Variants in APBB1 observed in about 807,000 individuals in gnomAD.
APBB1 encodes the protein amyloid beta precursor protein binding family B member 1.
APBB1 carries 22 observed loss-of-function variants against 78.4 expected under a neutral mutation model. The ratio of observed to expected loss-of-function variants is 0.28; its 90% CI spans 0.20 to 0.40. The LOEUF (loss-of-function observed/expected upper bound fraction) is 0.40, where lower values mean the gene tolerates loss of function less well. APBB1 is among the 10% of genes least tolerant of loss of function. The pLI, the probability that APBB1 is intolerant of heterozygous loss-of-function variation, is 1.00. For synonymous variants in APBB1, 369 were observed against 372.7 expected, an observed-to-expected ratio of 0.99 and a Z score of 0.12; for missense variants, 749 against 932.4, an observed-to-expected ratio of 0.80 and a Z score of 2.56.
chr11:6,406,531 A>C (rs1163696468), intron 2 of APBB1, among the ~76,000 whole-genome samples: 1 of 152,180 alleles, frequency 6.6e-6, no homozygotes, highest in Non-Finnish European at 1.5e-5. Flanking sequence ...GTAATTTTCC[A>C]ACGGAATCCT....
At chr11:6,419,249 C>T (rs889930689), upstream of APBB1, 11 of 292,160 alleles carry the variant, frequency 3.8e-5, no homozygotes, top group Middle Eastern at 9.5e-4. Context: ...TCGGTGAGCC[C>T]CGCGGTCCAG....
In APBB1 at chr11:6,401,919, G is replaced by C; in HGVS notation, c.1388+58C>G. On this transcript the variant is annotated intron_variant, in intron 9 of 14. Transcript: ENST00000609360. The surrounding 1 kb of genome is among the most constrained non-coding windows in gnomAD (Gnocchi z 4.5). ...GGAAGGGGCAGGGCAGAAGAGGGGA[G>C]CTTGGGTGCTTCCAGGCATCTGGTC... is the stretch of plus-strand genomic sequence containing the variant. 6.4e-7 allele frequency: 1 copy of C among 1,551,042 alleles called. No homozygotes were observed. Among genetic ancestry groups the C allele is most frequent in the Non-Finnish European group, 8.7e-7 (1 of 1,151,418 alleles).
rs766650127 is a variant in APBB1 at position 6,411,095 on chromosome 11, G to A, written c.253C>T (p.Arg85Cys). 1.5e-5 allele frequency: 24 copies of A among 1,612,906 alleles called. No individual in the cohort carries two copies. The highest frequency in any genetic ancestry group is 6.7e-5 in the East Asian group (3 of 44,880). The change falls in exon 2 of 15, where the codon CGT (arginine) becomes TGT (cysteine). Residue 85 changes from arginine to cysteine, a missense_variant. Arg to Cys is a radical substitution (Grantham distance 180). Coordinates refer to ENST00000609360, the MANE Select transcript of APBB1 (RefSeq NM_001164.5). This position sits in a 1 kb window ranked among gnomAD's most constrained non-coding sequence, Gnocchi z 5.2. ...AAGGTCACATTGCGATTCTGGTCACGGTGGGCCGTGGCGGCCCGCCGGAGC... is the reference window on the plus strand; with the variant it reads ...AAGGTCACATTGCGATTCTGGTCACAGTGGGCCGTGGCGGCCCGCCGGAGC... ...NQLRRAATAH[R>C]DQNRNVTLTL...
intron 12 of APBB1, among the ~76,000 whole-genome samples, chr11:6,398,467 C>T (rs1055739996): frequency 1.3e-5 from 2 of 152,128 alleles, no homozygotes; most frequent in Admixed American, 6.5e-5. Context: ...TGTTTAAAAA[C>T]GAGCATAAGA....
chr11:6,403,640 G>C lies in APBB1; in HGVS notation c.897+7C>G, dbSNP rs781006582. 8.8e-5 allele frequency: 142 copies of C among 1,610,590 alleles called. No individual in the cohort carries two copies. The highest frequency in any genetic ancestry group is 1.2e-4 in the Non-Finnish European group (141 of 1,177,798). ...TGGCCCAAAATCAACAGGCCTGTGA[G>C]CCTCACCTGGGACTCCTCTTGGGGG... On this transcript the variant is annotated splice_region_variant and intron_variant, in intron 3 of 14. Coordinates refer to ENST00000609360, the MANE Select transcript of APBB1 (RefSeq NM_001164.5). The surrounding 1 kb of genome is among the most constrained non-coding windows in gnomAD (Gnocchi z 5.3).
rs913507500 is a variant in APBB1 at position 6,402,658 on chromosome 11, C to T, written c.1172G>A (p.Ser391Asn). 1.9e-6 allele frequency: 3 copies of T among 1,614,154 alleles called. No homozygotes were observed. The African/African-American group carries it at 4.0e-5, about 22-fold the overall frequency. Residue 391 changes from serine (S) to asparagine (N), a missense_variant, in exon 7 of 15, where the codon AGT becomes AAT. Transcript: ENST00000609360. ...TEEELAPGRS[S>N]VAVNNCIRQL... Reference sequence around the variant, plus strand: ...ACGGATGCAATTGTTGACTGCCACACTGCTGCGTCCAGGGGCCAGCTCCTC... The same window carrying T: ...ACGGATGCAATTGTTGACTGCCACATTGCTGCGTCCAGGGGCCAGCTCCTC...
At chr11:6,405,082 C>T in intron 2 of APBB1, 1 of 1,376,542 alleles carries the variant, frequency 7.3e-7, no homozygotes, top group South Asian at 1.7e-5. Flanking sequence ...CTTCCTCGCC[C>T]TGGCTCCCCT....
rs1849124723 is a variant in APBB1 at position 6,416,670 on chromosome 11, T to C, written c.-15+2315A>G. Among the ~76,000 whole-genome samples the C allele has an allele frequency of 1.3e-5, 2 of 152,152 alleles. 1 individual carries two copies. The highest frequency in any genetic ancestry group is 1.3e-4 in the Admixed American group (2 of 15,286). On this transcript the variant is annotated intron_variant, in intron 1 of 14. Transcript: ENST00000609360. The stretch of plus-strand genomic sequence containing the variant: ...CTCTAGGTACTGATGATTTCCTCTC[T>C]GAGAAAAATTTCTGGACTTCATCTA...
chr11:6,410,900 C>T lies in APBB1; in HGVS notation c.448G>A (p.Glu150Lys), dbSNP rs780348247. Residue 150 changes from glutamate to lysine, a missense_variant, in exon 2 of 15, where the codon GAG (glutamate) becomes AAG (lysine). Transcript: ENST00000609360. ...TCGGCCTCCCCGGCCGCCTTCTCCT[C>T]TCCCTCATCTGGCCCCTGCTCTTGA... ...STQEQGPDEGEEKAAGEAEEE... is the reference protein window; with the variant it reads ...STQEQGPDEGKEKAAGEAEEE... 4.3e-6 allele frequency: 7 copies of T among 1,614,178 alleles called. No individual in the cohort carries two copies. The highest frequency in any genetic ancestry group is 2.2e-5 in the East Asian group (1 of 44,882).
chr11:6,400,947 G>C, intron 12 of APBB1, 42 bp downstream of exon 12: 1 of 1,580,174 alleles, frequency 6.3e-7, no homozygotes, highest in Non-Finnish European at 8.7e-7. Context: ...CAGAGTTTTA[G>C]GATCAAGGTA....
At position 6,411,116 on chromosome 11, in the gene APBB1, G is replaced by A. The variant is rs974725600; in HGVS notation, c.232C>T (p.Arg78Trp). 16 of 1,612,070 alleles carry A rather than the reference G, an allele frequency of 9.9e-6. No homozygotes were observed. Among genetic ancestry groups the A allele is most frequent in the Middle Eastern group, 1.6e-4 (1 of 6,084 alleles). The part of the protein sequence containing the change: ...KWLKEGQNQL[R>W]RAATAHRDQN... ...TCACGGTGGGCCGTGGCGGCCCGCC[G>A]GAGCTGGTTCTGGCCCTCTTTTAGC... Residue 78 changes from arginine (R) to tryptophan (W), a missense_variant, in exon 2 of 15, where the codon CGG becomes TGG. Coordinates refer to ENST00000609360, the MANE Select transcript of APBB1 (RefSeq NM_001164.5). This position sits in a 1 kb window ranked among gnomAD's most constrained non-coding sequence, Gnocchi z 5.2.
At chr11:6,402,971 G>A (rs1848610506) in intron 6 of APBB1, among the ~76,000 whole-genome samples, 174 bp downstream of exon 6, 1 of 151,998 alleles carries the variant, frequency 6.6e-6, no homozygotes, top group Non-Finnish European at 1.5e-5. Flanking sequence ...TGGGCTGGTT[G>A]ATTTAAAAAC....
At chr11:6,418,228 C>T (rs534639984) in intron 1 of APBB1, among the ~76,000 whole-genome samples, 51 of 152,134 alleles carry the variant, frequency 3.4e-4, no homozygotes, top group Non-Finnish European at 6.8e-4. Flanking sequence ...CATACCCCAC[C>T]GAATACTACT....
At position 6,403,597 on chromosome 11, in the gene APBB1, A is replaced by T. The variant is rs1306764074; in HGVS notation, c.897+50T>A. 1 of 1,613,658 alleles carries T rather than the reference A, an allele frequency of 6.2e-7. No individual in the cohort carries two copies. The highest frequency in any genetic ancestry group is 1.3e-5 in the African/African-American group (1 of 74,914). ...GAGTGTCCTATCCTACTCCAGCAGC[A>T]CACACTCCCTCCACCCCTGGCCCAA... On this transcript the variant is annotated intron_variant, in intron 3 of 14. Transcript: ENST00000609360. This position sits in a 1 kb window ranked among gnomAD's most constrained non-coding sequence, Gnocchi z 5.3.
rs754412822 is a variant in APBB1 at position 6,401,086 on chromosome 11, GAGA to G, written c.1589-17_1589-15del. 42 of 1,614,138 alleles carry G rather than the reference GAGA, an allele frequency of 2.6e-5. No individual in the cohort carries two copies. The African/African-American group carries it at 4.8e-4, about 18-fold the overall frequency. ...CTGGGAATTCCACTATGGGAAAGAA[GAGA>G]AGGTTGATCATGGTGGCAGACCTTG... On this transcript the variant is annotated splice_polypyrimidine_tract_variant and intron_variant, in intron 11 of 14. Transcript: ENST00000609360. This position sits in a 1 kb window ranked among gnomAD's most constrained non-coding sequence, Gnocchi z 4.5.
intron 6 of APBB1, 169 bp from the exon 7 acceptor site, chr11:6,402,894 A>AGGGAGAGGGG: frequency 3.5e-6 from 3 of 867,856 alleles, no homozygotes; most frequent in African/African-American, 3.6e-5. Context: ...GGGAGATGTC[A>AGGGAGAGGGG]GATGAGACCC....
intron 2 of APBB1, among the ~76,000 whole-genome samples, chr11:6,407,394 G>A (rs921775719): frequency 5.9e-5 from 9 of 152,164 alleles, no homozygotes; most frequent in African/African-American, 2.2e-4. Flanking sequence ...CCCCCACAGT[G>A]ACCATCCCAG....
chr11:6,419,100 G>A, upstream of APBB1: 1 of 380,744 alleles, frequency 2.6e-6, no homozygotes. Flanking sequence ...GGGCCGCGGG[G>A]CCGCGCCCCG....
Position 6,403,431 on chromosome 11 carries a change from A to C in APBB1, c.955-27T>G. On this transcript the variant is annotated intron_variant, in intron 4 of 14. Transcript: ENST00000609360. This position sits in a 1 kb window ranked among gnomAD's most constrained non-coding sequence, Gnocchi z 5.3. ...TTGGGAAGGGGATTGAGGAATCAGT[A>C]TCAAAATGATGCCCCTCCTCCAGCT... The C allele has an allele frequency of 6.2e-7, 1 of 1,614,134 alleles. No individual in the cohort carries two copies. Among genetic ancestry groups the C allele is most frequent in the Non-Finnish European group, 8.5e-7 (1 of 1,179,972 alleles).
Sources: gnomAD v4.1 joint callset for allele counts (sites outside exome capture counted in the v4.1 genomes callset) on GRCh38, gnomAD v4.1.1 for gene constraint, Gnocchi (gnomAD v3.1) non-coding constraint, MANE v1.5 for transcripts, NCBI Gene and HGNC (gene_info 2026-07-23, HGNC 2026-07-21) for gene names.